EGR2: variants seen among roughly 807,000 people sequenced by gnomAD.
EGR2 encodes E3 SUMO-protein ligase EGR2.
Under a neutral mutation model 21.2 loss-of-function variants are expected in EGR2, and 2 were observed. That is an observed-to-expected ratio of 0.09 (90% CI 0.04 to 0.30). The LOEUF (loss-of-function observed/expected upper bound fraction) is 0.30. Among genes scored for constraint, EGR2 ranks in the 10% least tolerant of loss-of-function variants. The probability of loss-of-function intolerance (pLI) is 1.00; values close to 1 mark genes in which losing one functional copy is unlikely to be tolerated. For synonymous variants in EGR2, 282 were observed against 258.2 expected, an observed-to-expected ratio of 1.09 and a Z score of -0.88; for missense variants, 458 against 630.2, an observed-to-expected ratio of 0.73 and a Z score of 2.93.
chr10:62,819,149 C>T (rs1199001813), upstream of EGR2: 1 of 152,378 alleles, frequency 6.6e-6, no homozygotes, highest in African/African-American at 2.4e-5. Flanking sequence ...ACACCTCCCC[C>T]TAAGAGCTAC....
At position 62,814,091 on chromosome 10, in the gene EGR2, G is replaced by C; in HGVS notation, c.547C>G (p.Gln183Glu). Reference sequence around the variant, plus strand: ...GCTGACAGGAACGCAGAAGGGTCCTGGTAGAGGTCTCCTGCACAGCCAGAA... The same window carrying C: ...GCTGACAGGAACGCAGAAGGGTCCTCGTAGAGGTCTCCTGCACAGCCAGAA... Reference protein sequence around the residue: ...PYSGCAGDLYQDPSAFLSAAT... With the variant: ...PYSGCAGDLYEDPSAFLSAAT... The change falls in exon 2 of 2, where the codon CAG (glutamine) becomes GAG (glutamate). Residue 183 changes from glutamine (Q) to glutamate (E), a missense_variant. Physicochemically the swap from Gln to Glu is conservative, Grantham distance 29. This residue lies in a region of EGR2 where 253 missense variants were observed against 315.5 expected (regional missense o/e 0.80). Transcript: ENST00000242480. This position sits in a 1 kb window ranked among gnomAD's most constrained non-coding sequence, Gnocchi z 4.8. 6.2e-7 allele frequency: 1 copy of C among 1,614,024 alleles called. No individual in the cohort carries two copies. Among genetic ancestry groups the C allele is most frequent in the Non-Finnish European group, 8.5e-7 (1 of 1,179,946 alleles).
In EGR2 at chr10:62,814,137, C is replaced by T. The variant is rs756375039; in HGVS notation, c.501G>A (p.Pro167=). 13 of 1,613,624 alleles carry T rather than the reference C, an allele frequency of 8.1e-6. No homozygotes were observed. Among genetic ancestry groups the T allele is most frequent in the African/African-American group, 4.0e-5 (3 of 74,810 alleles). The part of the protein sequence containing the change: ...TQPDLDHLYS[P]PPPPPPYSGC... ...CAGAATAAGGAGGAGGAGGCGGTGG[C>T]GGAGAGTACAGGTGGTCCAGGTCAG... Residue 167 remains proline (P), a synonymous_variant, in exon 2 of 2, where the codon CCG becomes CCA. Coordinates refer to ENST00000242480, the MANE Select transcript of EGR2 (RefSeq NM_000399.5). This position sits in a 1 kb window ranked among gnomAD's most constrained non-coding sequence, Gnocchi z 4.8.
In EGR2 at chr10:62,813,502, A is replaced by T; in HGVS notation, c.1136T>A (p.Phe379Tyr). ...PFQCRICMRN[F>Y]SRSDHLTTHI... ...GGTGGTGAGGTGGTCACTGCGGCTG[A>T]AGTTGCGCATGCAGATCCGACACTG... Residue 379 changes from phenylalanine (F) to tyrosine (Y), a missense_variant, in exon 2 of 2, where the codon TTC (phenylalanine) becomes TAC (tyrosine). Phe to Tyr is a conservative substitution (Grantham distance 22). Coordinates refer to ENST00000242480, the MANE Select transcript of EGR2 (RefSeq NM_000399.5). The surrounding 1 kb of genome is among the most constrained non-coding windows in gnomAD (Gnocchi z 5.7). 1 of 1,613,988 alleles carries T rather than the reference A, an allele frequency of 6.2e-7. No individual in the cohort carries two copies. The highest frequency in any genetic ancestry group is 8.5e-7 in the Non-Finnish European group (1 of 1,180,030).
chr10:62,818,110 G>A (rs768353752), upstream of EGR2, among the ~76,000 whole-genome samples: 20 of 152,334 alleles, frequency 1.3e-4, no homozygotes, highest in Admixed American at 3.3e-4. Flanking sequence ...GCGGGCGGGA[G>A]CCACGGCGCC....
rs1228953734 is a variant in EGR2, at chr10:62,813,157, A to T, written c.*50T>A. 6.6e-7 allele frequency: 1 copy of T among 1,513,526 alleles called. No homozygotes were observed. The allele number at this position is 1,513,526 out of a possible 1,614,324, so 93.8% of individuals were successfully genotyped here. The stretch of plus-strand genomic sequence containing the variant: ...TGTTTGTTGTGCAGCTCCAGTGGAC[A>T]AAGGGCCTCCGGGACCTTTGGGAGC... On this transcript the variant is annotated 3_prime_UTR_variant, in exon 2 of 2. Coordinates refer to ENST00000242480, the MANE Select transcript of EGR2 (RefSeq NM_000399.5). This position sits in a 1 kb window ranked among gnomAD's most constrained non-coding sequence, Gnocchi z 5.7.
chr10:62,815,452 G>A (rs1842239846), intron 1 of EGR2, among the ~76,000 whole-genome samples: 1 of 152,196 alleles, frequency 6.6e-6, no homozygotes, highest in East Asian at 1.9e-4. Flanking sequence ...GCGCTTCTCC[G>A]CCGCTCGGCT....
In EGR2 at chr10:62,814,269, C is replaced by T. The variant is rs1458338517; in HGVS notation, c.369G>A (p.Gly123=). 14 of 1,614,036 alleles carry T rather than the reference C, an allele frequency of 8.7e-6. No homozygotes were observed. The highest frequency in any genetic ancestry group is 1.2e-5 in the Non-Finnish European group (14 of 1,180,004). ...CTGTGGTTGAAGCTGGGGAAGTGAC[C>T]CCTTGCAAGATGCCTGCACTCACAA... ...INIVSAGILQ[G]VTSPASTTAS... is the part of the protein sequence containing the mutation. The change falls in exon 2 of 2, where the codon GGG becomes GGA. Residue 123 remains glycine (G), a synonymous_variant. Coordinates refer to ENST00000242480, the MANE Select transcript of EGR2 (RefSeq NM_000399.5). The surrounding 1 kb of genome is among the most constrained non-coding windows in gnomAD (Gnocchi z 4.8).
At chr10:62,815,183 A>T (rs1343176815) in intron 1 of EGR2, among the ~76,000 whole-genome samples, 1 of 152,188 alleles carries the variant, frequency 6.6e-6, no homozygotes, top group Non-Finnish European at 1.5e-5. Context: ...GACTTTCCAC[A>T]GCATCGCCAA....
At chr10:62,818,263 C>G (rs1287149246), upstream of EGR2, among the ~76,000 whole-genome samples, 1 of 152,216 alleles carries the variant, frequency 6.6e-6, no homozygotes, top group Non-Finnish European at 1.5e-5. Context: ...TCTCCCTCTG[C>G]TCTTCCACTG....
rs1335021548 is a variant in EGR2, at chr10:62,815,983, C to T, written c.47G>A (p.Gly16Asp). The change falls in exon 1 of 2, where the codon GGT (glycine) becomes GAT (aspartate). Residue 16 changes from glycine to aspartate, a missense_variant. Gly to Asp is a moderately conservative substitution (Grantham distance 94, BLOSUM62 -1). Transcript: ENST00000242480. Reference sequence around the variant, plus strand: ...GTTGTCAGACAGCTGGTGCACAAAACCACTGAGAGTTACTGGGATTTTGTC... The same window carrying T: ...GTTGTCAGACAGCTGGTGCACAAAATCACTGAGAGTTACTGGGATTTTGTC... ...AVDKIPVTLS[G>D]FVHQLSDNIY... 1 of 1,614,224 alleles carries T rather than the reference C, an allele frequency of 6.2e-7. No homozygotes were observed. Among genetic ancestry groups the T allele is most frequent in the East Asian group, 2.2e-5 (1 of 44,874 alleles).
At chr10:62,818,359 G>A (rs930439856), upstream of EGR2, among the ~76,000 whole-genome samples, 4 of 152,258 alleles carry the variant, frequency 2.6e-5, no homozygotes, top group African/African-American at 7.2e-5. Flanking sequence ...GAGCACATTT[G>A]GGAAAGTTTC....
rs571248890 is a variant in EGR2 at position 62,812,315 on chromosome 10, A to C, written c.*892T>G. On this transcript the variant is annotated 3_prime_UTR_variant, in exon 2 of 2. Coordinates refer to ENST00000242480, the MANE Select transcript of EGR2 (RefSeq NM_000399.5). ...ATAATAAGGCAACCCATTTACATGC[A>C]GACCTTGTAACATTGTCTACATCAC... 6.5e-6 allele frequency: 1 copy of C among 152,926 alleles called. No homozygotes were observed. Among genetic ancestry groups the C allele is most frequent in the Admixed American group, 6.5e-5 (1 of 15,300 alleles). The allele number at this position is 152,926 out of a possible 1,614,324, so 9.5% of individuals were successfully genotyped here.
chr10:62,813,133 G>A lies in EGR2; in HGVS notation c.*74C>T. 1 of 1,459,170 alleles carries A rather than the reference G, an allele frequency of 6.9e-7. No homozygotes were observed. 90.4% of individuals were successfully genotyped at this position (1,459,170 alleles called of 1,614,324 possible). A position where few individuals can be genotyped will look rare whatever the true frequency, so the allele number is the denominator to read the frequency against. On this transcript the variant is annotated 3_prime_UTR_variant, in exon 2 of 2. Transcript: ENST00000242480. The surrounding 1 kb of genome is among the most constrained non-coding windows in gnomAD (Gnocchi z 5.7). ...GAGAGGGACAGGAAAGGGTGGTAGTGTTTGTTGTGCAGCTCCAGTGGACAA... is the reference window on the plus strand; with the variant it reads ...GAGAGGGACAGGAAAGGGTGGTAGTATTTGTTGTGCAGCTCCAGTGGACAA...
At chr10:62,815,581 G>A (rs867142706) in intron 1 of EGR2, among the ~76,000 whole-genome samples, 17 of 152,196 alleles carry the variant, frequency 1.1e-4, no homozygotes, top group African/African-American at 4.1e-4. Context: ...TCGAAACCCG[G>A]GGGGACGCCT....
chr10:62,816,836 A>G (rs1842283070), upstream of EGR2, among the ~76,000 whole-genome samples: 1 of 151,996 alleles, frequency 6.6e-6, no homozygotes, highest in African/African-American at 2.4e-5. Flanking sequence ...CCGAGACACT[A>G]CAGTCAAACC....
chr10:62,816,251 ACT>A lies in EGR2; in HGVS notation c.-224_-223del, dbSNP rs1842265738. The A allele has an allele frequency of 1.4e-6, 2 of 1,408,560 alleles. No homozygotes were observed. The highest frequency in any genetic ancestry group is 2.8e-5 in the East Asian group (1 of 36,308). The allele number at this position is 1,408,560 out of a possible 1,614,324, so 87.3% of individuals were successfully genotyped here. On this transcript the variant is annotated 5_prime_UTR_variant, in exon 1 of 2. Transcript: ENST00000242480. The stretch of plus-strand genomic sequence containing the variant: ...TAAGAAAAATGTCTATTTGCCACTG[ACT>A]CTCTCCTGTCTGTGTTCCGGCTGCT...
chr10:62,815,865 G>T lies in EGR2; in HGVS notation c.165C>A (p.Ala55=). ...CTGCGAAGACACGCGGCTTACCTCC[G>T]GCCACTCCGTTCATCTGGTCAAAGG... ...GGPFDQMNGV[A]GDGMINIDMT... is the part of the protein sequence containing the mutation. Residue 55 remains alanine (A), a synonymous_variant, in exon 1 of 2, where the codon GCC becomes GCA. Coordinates refer to ENST00000242480, the MANE Select transcript of EGR2 (RefSeq NM_000399.5). 1 of 1,613,986 alleles carries T rather than the reference G, an allele frequency of 6.2e-7. No homozygotes were observed. Among genetic ancestry groups the T allele is most frequent in the Non-Finnish European group, 8.5e-7 (1 of 1,179,882 alleles).
rs1465091838 is a variant in EGR2 at position 62,813,858 on chromosome 10, A to T, written c.780T>A (p.Pro260=). 1.2e-5 allele frequency: 20 copies of T among 1,614,088 alleles called. No homozygotes were observed. Among genetic ancestry groups the T allele is most frequent in the Non-Finnish European group, 1.6e-5 (19 of 1,180,002 alleles). ...PCPLDTLRVP[P]PLTPLSTIRN... The stretch of plus-strand genomic sequence containing the variant: ...GGATTGTAGAGAGTGGAGTGAGTGG[A>T]GGGGGCACCCGCAGGGTGTCCAGTG... The change falls in exon 2 of 2, where the codon CCT becomes CCA. Residue 260 remains proline, a synonymous_variant. Coordinates refer to ENST00000242480, the MANE Select transcript of EGR2 (RefSeq NM_000399.5). This position sits in a 1 kb window ranked among gnomAD's most constrained non-coding sequence, Gnocchi z 5.7.
intron 1 of EGR2, among the ~76,000 whole-genome samples, 181 bp downstream of exon 1, chr10:62,815,680 C>G (rs1454645540): frequency 1.3e-5 from 2 of 152,256 alleles, no homozygotes; most frequent in African/African-American, 2.4e-5. Context: ...CATCTGCCCG[C>G]GCGCCCTGGT....
Sources: gnomAD v4.1 joint callset for allele counts (sites outside exome capture counted in the v4.1 genomes callset) on GRCh38, gnomAD v4.1.1 for gene constraint, gnomAD v4.1.1 regional missense constraint, Gnocchi (gnomAD v3.1) non-coding constraint, MANE v1.5 for transcripts, NCBI Gene and HGNC (gene_info 2026-07-23, HGNC 2026-07-21) for gene names.